The following PARD3 variants were observed in gnomAD, a reference collection of about 807,000 sequenced individuals.
PARD3 encodes partitioning defective 3 homolog.
PARD3 carries 75 observed loss-of-function variants against 155.4 expected under a neutral mutation model. The observed-to-expected ratio is 0.48, with a 90% CI of 0.40 to 0.58. PARD3 has a LOEUF of 0.58. Ranked by LOEUF, PARD3 falls within the 20% of genes least tolerant of loss-of-function variation. The probability of loss-of-function intolerance (pLI) is 0.00; values close to 1 mark genes in which losing one functional copy is unlikely to be tolerated. For synonymous variants in PARD3, 576 were observed against 610.5 expected, an observed-to-expected ratio of 0.94 and a Z score of 0.83; for missense variants, 1,642 against 1,721.7, an observed-to-expected ratio of 0.95 and a Z score of 0.82.
At chr10:34,580,982 C>T (rs2087394955) in intron 2 of PARD3, among the ~76,000 whole-genome samples, 2 of 152,244 alleles carry the variant, frequency 1.3e-5, no homozygotes, top group Non-Finnish European at 2.9e-5. Flanking sequence ...AAATATAAAA[C>T]ATGATCAGTG....
chr10:34,111,187 C>G lies in PARD3; in HGVS notation c.4044G>C (p.Gly1348=). ...RLNRLQTPEK[G]RPFYS ...TGCGTGCTCAGGAATAGAAGGGCCT[C>G]CCTTTCTCAGGAGTCTGAAGTCTGT... Residue 1348 remains glycine (G), a synonymous_variant, in exon 25 of 25, where the codon GGG becomes GGC. Coordinates refer to ENST00000374788, the MANE Select transcript of PARD3 (RefSeq NM_001184785.2). 1 of 1,557,512 alleles carries G rather than the reference C, an allele frequency of 6.4e-7. No homozygotes were observed. Among genetic ancestry groups the G allele is most frequent in the Non-Finnish European group, 8.7e-7 (1 of 1,149,096 alleles).
At chr10:34,600,965 T>A (rs1315649158) in intron 2 of PARD3, among the ~76,000 whole-genome samples, 5 of 56,668 alleles carry the variant, frequency 8.8e-5, no homozygotes, top group Middle Eastern at 0.014. Flanking sequence ...TTTTTTAATT[T>A]TTTTTTTTTT....
intron 1 of PARD3, among the ~76,000 whole-genome samples, chr10:34,811,650 T>G (rs1360809143): frequency 6.6e-6 from 1 of 152,214 alleles, no homozygotes; most frequent in Admixed American, 6.5e-5. Flanking sequence ...TTATTTATAC[T>G]GTTATATATT....
At chr10:34,123,033 C>T (rs7918316) in intron 23 of PARD3, among the ~76,000 whole-genome samples, 39,272 of 152,174 alleles carry the variant, frequency 0.26, 5,399 homozygotes, top group Middle Eastern at 0.39. Context: ...GCAGGCATAA[C>T]TGTAATAACT....
At chr10:34,472,405 T>C (rs1399680172) in intron 3 of PARD3, among the ~76,000 whole-genome samples, 1 of 152,210 alleles carries the variant, frequency 6.6e-6, no homozygotes, top group African/African-American at 2.4e-5. Flanking sequence ...GCATTAATAT[T>C]ACAATGCCCT....
chr10:34,763,011 C>G (rs1395180919), intron 1 of PARD3, among the ~76,000 whole-genome samples: 1 of 152,202 alleles, frequency 6.6e-6, no homozygotes, highest in Non-Finnish European at 1.5e-5. Flanking sequence ...GGGACAGATT[C>G]TATCAGAAGG....
chr10:34,518,144 G>T (rs185013362), intron 2 of PARD3, among the ~76,000 whole-genome samples: 1 of 152,316 alleles, frequency 6.6e-6, no homozygotes, highest in East Asian at 1.9e-4. Context: ...CTCCCAAAGT[G>T]CTGGGATTAC....
At chr10:34,387,256 T>C (rs1380108177) in intron 7 of PARD3, among the ~76,000 whole-genome samples, 1 of 152,184 alleles carries the variant, frequency 6.6e-6, no homozygotes, top group South Asian at 2.1e-4. Flanking sequence ...AAATAGTCCA[T>C]AGAAAATTTT....
At chr10:34,514,523 T>C (rs926354607) in intron 3 of PARD3, among the ~76,000 whole-genome samples, 4 of 152,200 alleles carry the variant, frequency 2.6e-5, no homozygotes, top group African/African-American at 9.6e-5. Flanking sequence ...TACGTTCACA[T>C]AGTTATGGAC....
Position 34,302,976 on chromosome 10 carries a change from T to A in PARD3, c.3065+14131A>T, listed in dbSNP as rs560850628. Among the ~76,000 whole-genome samples the A allele has an allele frequency of 7.9e-5, 12 of 152,112 alleles. No homozygotes were observed. In the East Asian group the frequency reaches 2.1e-3, roughly 27 times the overall value. ...ACCTCTAACACTGCCAAGGATGTAG[T>A]AGGCACTCCAGTAAATATTTGTTGA... On this transcript the variant is annotated intron_variant, in intron 20 of 24. Coordinates refer to ENST00000374788, the MANE Select transcript of PARD3 (RefSeq NM_001184785.2).
intron 2 of PARD3, among the ~76,000 whole-genome samples, chr10:34,616,155 A>G (rs1295122618): frequency 6.6e-6 from 1 of 152,036 alleles, no homozygotes; most frequent in Non-Finnish European, 1.5e-5. Flanking sequence ...TGTCTCTACT[A>G]AAAATACAAA....
At chr10:34,440,466 T>G (rs1564715653) in intron 5 of PARD3, among the ~76,000 whole-genome samples, 1 of 152,206 alleles carries the variant, frequency 6.6e-6, no homozygotes, top group African/African-American at 2.4e-5. Context: ...AATGAAAATA[T>G]GCAAAGGCAC....
intron 2 of PARD3, among the ~76,000 whole-genome samples, chr10:34,616,324 TA>T (rs895919359): frequency 5.3e-5 from 8 of 150,570 alleles, no homozygotes; most frequent in South Asian, 2.1e-4. Flanking sequence ...CAAAAAAAAT[TA>T]AAAAAAAATT....
At chr10:34,276,446 TCAC>T (rs1192518882) in intron 21 of PARD3, among the ~76,000 whole-genome samples, 1 of 150,908 alleles carries the variant, frequency 6.6e-6, no homozygotes, top group African/African-American at 2.4e-5. Context: ...GTCACAGTGT[TCAC>T]CACCTTTTCT....
chr10:34,115,491 A>G (rs1946618535), intron 24 of PARD3, among the ~76,000 whole-genome samples: 2 of 152,340 alleles, frequency 1.3e-5, no homozygotes, highest in Admixed American at 6.5e-5. Flanking sequence ...TCAATGACAG[A>G]GGAGCAATTT....
chr10:34,117,917 T>A (rs983276665), intron 24 of PARD3, among the ~76,000 whole-genome samples: 1 of 151,988 alleles, frequency 6.6e-6, no homozygotes, highest in African/African-American at 2.4e-5. Flanking sequence ...TCTCAAAAAA[T>A]TTGGGAACAG....
chr10:34,587,217 G>A (rs1229442559), intron 2 of PARD3, among the ~76,000 whole-genome samples: 7 of 151,988 alleles, frequency 4.6e-5, no homozygotes, highest in African/African-American at 7.2e-5. Context: ...TCCACCTCCC[G>A]AGTTCAAGCA....
chr10:34,453,757 G>C (rs2077183663), intron 4 of PARD3, among the ~76,000 whole-genome samples: 1 of 152,118 alleles, frequency 6.6e-6, no homozygotes, highest in Non-Finnish European at 1.5e-5. Flanking sequence ...CAAATGCATA[G>C]AAAAAACAGT....
At chr10:34,384,094 A>T in intron 8 of PARD3, 35 bp downstream of exon 8, 1 of 1,603,610 alleles carries the variant, frequency 6.2e-7, no homozygotes, top group African/African-American at 1.3e-5. Flanking sequence ...TGCCTAATGC[A>T]AGTAAGAACA....
Sources: gnomAD v4.1 joint callset for allele counts (sites outside exome capture counted in the v4.1 genomes callset) on GRCh38, gnomAD v4.1.1 for gene constraint, MANE v1.5 for transcripts, NCBI Gene and HGNC (gene_info 2026-07-23, HGNC 2026-07-21) for gene names.